Variants in DCP1B observed in about 807,000 individuals in gnomAD.
The protein encoded by DCP1B is decapping mRNA 1B, also known as mRNA-decapping enzyme 1B.
Under a neutral mutation model 60.5 loss-of-function variants are expected in DCP1B, and 47 were observed. The observed-to-expected ratio is 0.78, with a 90% confidence interval of 0.61 to 0.99. The LOEUF (loss-of-function observed/expected upper bound fraction) is 0.99. Among genes scored for constraint, DCP1B ranks in the 50% least tolerant of loss-of-function variants. DCP1B has a pLI of 0.00. For synonymous variants in DCP1B, 267 were observed against 280.3 expected (o/e 0.95, Z 0.47); for missense variants, 725 against 756.8 (o/e 0.96, Z 0.49).
intron 3 of DCP1B, among the ~76,000 whole-genome samples, chr12:1,974,948 A>C (rs527545055): frequency 7.2e-5 from 11 of 152,262 alleles, no homozygotes; most frequent in African/African-American, 2.6e-4. Flanking sequence ...TGAAGAACAG[A>C]CTTCTTCATA....
downstream of DCP1B, among the ~76,000 whole-genome samples, chr12:1,945,794 A>T (rs1000970354): frequency 5.9e-5 from 9 of 152,198 alleles, no homozygotes; most frequent in Admixed American, 6.5e-5. Flanking sequence ...CAGAAAACCA[A>T]ACACCACATG....
At chr12:1,954,431 TAATTAG>T (rs1300393262) in intron 6 of DCP1B, among the ~76,000 whole-genome samples, 1 of 152,192 alleles carries the variant, frequency 6.6e-6, no homozygotes, top group East Asian at 1.9e-4. Context: ...AAAATCTTTT[TAATTAG>T]TCATAGTCAT....
At chr12:1,965,926 C>T (rs1481596439) in intron 4 of DCP1B, among the ~76,000 whole-genome samples, 2 of 152,162 alleles carry the variant, frequency 1.3e-5, no homozygotes, top group Non-Finnish European at 2.9e-5. Flanking sequence ...CAGCCCACCA[C>T]CTGTTTTTTG....
intron 2 of DCP1B, among the ~76,000 whole-genome samples, chr12:1,995,968 C>T (rs1397519142): frequency 6.6e-6 from 1 of 152,226 alleles, no homozygotes; most frequent in African/African-American, 2.4e-5. Flanking sequence ...AGGGCTGATC[C>T]TCAAGCCACA....
At chr12:1,979,800 T>C (rs1460568298) in intron 3 of DCP1B, among the ~76,000 whole-genome samples, 1 of 152,240 alleles carries the variant, frequency 6.6e-6, no homozygotes, top group Non-Finnish European at 1.5e-5. Flanking sequence ...ATTTTAGCCA[T>C]TCTAAGGAGT....
At chr12:1,947,571 C>G (rs899618445) in intron 8 of DCP1B, among the ~76,000 whole-genome samples, 19 of 152,128 alleles carry the variant, frequency 1.2e-4, no homozygotes, top group African/African-American at 4.1e-4. Flanking sequence ...AGTAGAGTCT[C>G]AAGACAATGT....
Position 1,952,525 on chromosome 12 carries a change from G to A in DCP1B, c.1415C>T (p.Ala472Val), listed in dbSNP as rs758585641. 1 of 1,614,154 alleles carries A rather than the reference G, an allele frequency of 6.2e-7. No individual in the cohort carries two copies. The highest frequency in any genetic ancestry group is 1.7e-5 in the Admixed American group (1 of 60,022). Residue 472 changes from alanine (A) to valine (V), a missense_variant, in exon 7 of 9, where the codon GCC becomes GTC. By Grantham distance (64) the Ala-to-Val change is moderately conservative (BLOSUM62 0). Coordinates refer to ENST00000280665, the MANE Select transcript of DCP1B (RefSeq NM_152640.5). ...GAGCACAGGAAACTTAGCGGCCAAGGCTGGCCGGTTAGAGGCATGCAGCTG... is the reference window on the plus strand; with the variant it reads ...GAGCACAGGAAACTTAGCGGCCAAGACTGGCCGGTTAGAGGCATGCAGCTG... ...EQQLHASNRP[A>V]LAAKFPVLAQ...
At chr12:1,952,374 T>C (rs2030707849) in intron 7 of DCP1B, 42 bp downstream of exon 7, 1 of 1,508,362 alleles carries the variant, frequency 6.6e-7, no homozygotes, top group Non-Finnish European at 8.9e-7. Context: ...GATCTTGCTA[T>C]GCTGCCCAGG....
At chr12:1,980,131 T>A (rs761062918) in intron 3 of DCP1B, among the ~76,000 whole-genome samples, 2 of 152,192 alleles carry the variant, frequency 1.3e-5, no homozygotes, top group African/African-American at 2.4e-5. Flanking sequence ...CCAAGATAGA[T>A]AGGCATACAT....
rs559693683 is a variant in DCP1B, at chr12:1,976,966, A to G, written c.320-9056T>C. 1.4e-4 allele frequency among the ~76,000 whole-genome samples: 22 copies of G among 152,334 alleles called. No individual in the cohort carries two copies. In the East Asian group the frequency reaches 3.9e-3, roughly 27 times the overall value. ...AGGGGTTTGTGACTCACAGAAGATTAGGAACTACTATTTGCGACTATCAAT... is the reference window on the plus strand; with the variant it reads ...AGGGGTTTGTGACTCACAGAAGATTGGGAACTACTATTTGCGACTATCAAT... On this transcript the variant is annotated intron_variant, in intron 3 of 8. Coordinates refer to ENST00000280665, the MANE Select transcript of DCP1B (RefSeq NM_152640.5).
intron 3 of DCP1B, among the ~76,000 whole-genome samples, chr12:1,981,464 A>G (rs1316945775): frequency 6.6e-6 from 1 of 152,220 alleles, no homozygotes; most frequent in East Asian, 1.9e-4. Flanking sequence ...AGGTGCCTGC[A>G]CTCTAACAGA....
intron 5 of DCP1B, among the ~76,000 whole-genome samples, chr12:1,959,822 T>C (rs747675613): frequency 6.6e-6 from 1 of 151,918 alleles, no homozygotes; most frequent in Admixed American, 6.6e-5. Flanking sequence ...TATCCGGGCA[T>C]GGTGGAGGGC....
At chr12:1,974,812 A>G (rs1022630667) in intron 3 of DCP1B, among the ~76,000 whole-genome samples, 1 of 152,186 alleles carries the variant, frequency 6.6e-6, no homozygotes, top group Non-Finnish European at 1.5e-5. Flanking sequence ...GTGAATCTCA[A>G]TGTACATAAA....
At chr12:1,976,665 T>C (rs1167014135) in intron 3 of DCP1B, among the ~76,000 whole-genome samples, 1 of 152,188 alleles carries the variant, frequency 6.6e-6, no homozygotes, top group Non-Finnish European at 1.5e-5. Flanking sequence ...AGCCATATAG[T>C]TACTTTAAAT....
Position 1,948,995 on chromosome 12 carries a change from A to C in DCP1B, c.1773+91T>G. ...ACACCTGTTATTCTCACGGAAGCTA[A>C]GCAGGCCTTGGCTGAGTCTTTATCT... On this transcript the variant is annotated intron_variant, in intron 8 of 8. Transcript: ENST00000280665. The surrounding 1 kb of genome is among the most constrained non-coding windows in gnomAD (Gnocchi z 4.8). The C allele has an allele frequency of 6.6e-7, 1 of 1,515,732 alleles. No individual in the cohort carries two copies. 93.9% of individuals were successfully genotyped at this position (1,515,732 alleles called of 1,614,324 possible).
At chr12:1,943,114 T>C (rs2030320607), downstream of DCP1B, among the ~76,000 whole-genome samples, 1 of 152,124 alleles carries the variant, frequency 6.6e-6, no homozygotes, top group Non-Finnish European at 1.5e-5. Flanking sequence ...ACAAAGGGGA[T>C]ATCACCACAG....
In DCP1B at chr12:1,968,578, C is replaced by T. The variant is rs897040922; in HGVS notation, c.320-668G>A. On this transcript the variant is annotated intron_variant, in intron 3 of 8. Coordinates refer to ENST00000280665, the MANE Select transcript of DCP1B (RefSeq NM_152640.5). ...GCTGCGAGATAGCATTGTTTCTACA[C>T]TCCATTTGCACATTTCATAAACACA... Among the ~76,000 whole-genome samples the T allele has an allele frequency of 2.6e-5, 4 of 152,142 alleles. No individual in the cohort carries two copies. In the East Asian group the frequency reaches 5.8e-4, roughly 22 times the overall value.
At chr12:1,977,607 A>G (rs2034834315) in intron 3 of DCP1B, among the ~76,000 whole-genome samples, 1 of 152,236 alleles carries the variant, frequency 6.6e-6, no homozygotes, top group South Asian at 2.1e-4. Context: ...ACCACAGAAT[A>G]TAAGTAAAAT....
chr12:1,966,095 A>G (rs115667808), intron 4 of DCP1B: 5,203 of 158,360 alleles, frequency 0.033, 292 homozygotes, highest in African/African-American at 0.12. Flanking sequence ...GGTCCCTTTG[A>G]GAAGAGTTTG....
Sources: gnomAD v4.1 joint callset for allele counts (sites outside exome capture counted in the v4.1 genomes callset) on GRCh38, gnomAD v4.1.1 for gene constraint, Gnocchi (gnomAD v3.1) non-coding constraint, MANE v1.5 for transcripts, NCBI Gene and HGNC (gene_info 2026-07-23, HGNC 2026-07-21) for gene names.